C19orf44: variants seen among roughly 807,000 people sequenced by gnomAD.
C19orf44 encodes chromosome 19 open reading frame 44.
Under a neutral mutation model 50.7 loss-of-function variants are expected in C19orf44, and 43 were observed. That is an observed-to-expected ratio of 0.85 (90% CI 0.66 to 1.09). The LOEUF is 1.09. C19orf44 is among the 50% of genes least tolerant of loss of function. The probability of loss-of-function intolerance (pLI) is 0.00; values close to 1 mark genes in which losing one functional copy is unlikely to be tolerated. For missense variants in C19orf44, 722 were observed against 836.2 expected (o/e 0.86, Z 1.68); for synonymous variants, 298 against 334.7 (o/e 0.89, Z 1.20).
chr19:16,501,574 A>C (rs754819433), intron 2 of C19orf44, 23 bp downstream of exon 2: 3 of 1,283,352 alleles, frequency 2.3e-6, no homozygotes, highest in Non-Finnish European at 3.0e-6. Context: ...TTTTTTGGTA[A>C]ATTTATTTTA....
intron 7 of C19orf44, among the ~76,000 whole-genome samples, chr19:16,516,878 A>G (rs1200816891): frequency 1.3e-5 from 2 of 152,226 alleles, no homozygotes; most frequent in Non-Finnish European, 2.9e-5. Flanking sequence ...GGCGTCCATC[A>G]GCCCATCCGA....
At chr19:16,512,982 C>G in intron 5 of C19orf44, 32 bp from the exon 6 acceptor site, 1 of 1,593,020 alleles carries the variant, frequency 6.3e-7, no homozygotes. Context: ...CTGCGTCCTG[C>G]CTGCTTACCC....
At chr19:16,506,894 T>C in intron 4 of C19orf44, 120 bp downstream of exon 4, 1 of 671,784 alleles carries the variant, frequency 1.5e-6, no homozygotes, top group Non-Finnish European at 2.5e-6. Flanking sequence ...CAGGCCGTCC[T>C]CAAACTGGGC....
chr19:16,521,230 G>A lies in C19orf44; in HGVS notation c.*1177G>A. The A allele has an allele frequency of 3.5e-6, 2 of 572,614 alleles. No homozygotes were observed. The highest frequency in any genetic ancestry group is 2.2e-5 in the South Asian group (1 of 46,478). The allele number at this position is 572,614 out of a possible 1,614,324, so 35.5% of individuals were successfully genotyped here. On this transcript the variant is annotated 3_prime_UTR_variant, in exon 9 of 9. Transcript: ENST00000221671. ...GCCTGCAGCCCAGCACAGGAAGGAG[G>A]GGTGACCACTGGGAAGGGTGGGCTG...
chr19:16,513,398 C>T (rs371555857), intron 6 of C19orf44, among the ~76,000 whole-genome samples: 1 of 152,046 alleles, frequency 6.6e-6, no homozygotes, highest in Non-Finnish European at 1.5e-5. Context: ...TTTGTTTGTT[C>T]GTTTTGAGAC....
intron 5 of C19orf44, 22 bp from the exon 6 acceptor site, chr19:16,512,992 C>T (rs974900673): frequency 6.2e-7 from 1 of 1,607,022 alleles, no homozygotes; most frequent in Non-Finnish European, 8.5e-7. Context: ...CCTGCTTACC[C>T]CTCTCTTTGT....
intron 4 of C19orf44, among the ~76,000 whole-genome samples, chr19:16,508,536 C>T (rs1352876594): frequency 6.6e-6 from 1 of 152,102 alleles, no homozygotes; most frequent in Non-Finnish European, 1.5e-5. Context: ...TACAAGCGTG[C>T]ACCCATGCCT....
In C19orf44 at chr19:16,512,245, A is replaced by C. The variant is rs546124937; in HGVS notation, c.1640-769A>C. On this transcript the variant is annotated intron_variant, in intron 5 of 8. Transcript: ENST00000221671. Reference sequence around the variant, plus strand: ...CTCAGAATTGTTTGTGTCTCTCTGCACTTCTGTCCATATTTTTGGCAATTT... The same window carrying C: ...CTCAGAATTGTTTGTGTCTCTCTGCCCTTCTGTCCATATTTTTGGCAATTT... Among the ~76,000 whole-genome samples the C allele has an allele frequency of 1.3e-4, 20 of 152,138 alleles. No individual in the cohort carries two copies. In the East Asian group the frequency reaches 2.7e-3, roughly 21 times the overall value.
rs144172114 is a variant in C19orf44 at position 16,513,606 on chromosome 19, A to G, written c.1735+497A>G. Among the ~76,000 whole-genome samples, 669 of 151,782 alleles carry G rather than the reference A, an allele frequency of 4.4e-3. 6 individuals carry two copies. The highest frequency in any genetic ancestry group is 0.015 in the African/African-American group (626 of 41,398). Reference sequence around the variant, plus strand: ...TCCATGTTGGCCAGGCTGGTCTCGAACTCCTGACCTCAAATGATCTGCCCA... The same window carrying G: ...TCCATGTTGGCCAGGCTGGTCTCGAGCTCCTGACCTCAAATGATCTGCCCA... On this transcript the variant is annotated intron_variant, in intron 6 of 8. Coordinates refer to ENST00000221671, the MANE Select transcript of C19orf44 (RefSeq NM_032207.4).
At chr19:16,509,358 G>A (rs912879024) in intron 4 of C19orf44, 141 bp from the exon 5 acceptor site, 22 of 1,134,472 alleles carry the variant, frequency 1.9e-5, no homozygotes, top group African/African-American at 1.9e-4. Context: ...AGAATACTCC[G>A]TGCCCACATC....
chr19:16,518,937 A>G, intron 8 of C19orf44: 4 of 569,870 alleles, frequency 7.0e-6, no homozygotes, highest in East Asian at 3.0e-5. Flanking sequence ...TGGTGGCTGC[A>G]GCGCCTCCTG....
chr19:16,509,897 G>T lies in C19orf44; in HGVS notation c.1548G>T (p.Arg516Ser). ...KTDLPQTAES[R>S]KKSGRHVTRV... The stretch of plus-strand genomic sequence containing the variant: ...ACCTTCCACAAACAGCCGAGTCTAG[G>T]AAAAAGTCGGGCAGGCACGTGACAA... Residue 516 changes from arginine (R) to serine (S), a missense_variant, in exon 5 of 9, where the codon AGG becomes AGT. Physicochemically the swap from Arg to Ser is moderately radical, Grantham distance 110. Transcript: ENST00000221671. 1 of 1,614,250 alleles carries T rather than the reference G, an allele frequency of 6.2e-7. No homozygotes were observed. The highest frequency in any genetic ancestry group is 1.1e-5 in the South Asian group (1 of 91,090).
intron 6 of C19orf44, among the ~76,000 whole-genome samples, chr19:16,513,540 C>T (rs1375762578): frequency 6.6e-6 from 1 of 152,078 alleles, no homozygotes; most frequent in Non-Finnish European, 1.5e-5. Context: ...CCTGCCACCA[C>T]GCCCGGCTAA....
Position 16,509,910 on chromosome 19 carries a change from A to G in C19orf44, c.1561A>G (p.Arg521Gly). 1 of 1,614,286 alleles carries G rather than the reference A, an allele frequency of 6.2e-7. No homozygotes were observed. Among genetic ancestry groups the G allele is most frequent in the Non-Finnish European group, 8.5e-7 (1 of 1,180,048 alleles). Residue 521 changes from arginine to glycine, a missense_variant, in exon 5 of 9, where the codon AGG becomes GGG. Transcript: ENST00000221671. ...AGCCGAGTCTAGGAAAAAGTCGGGC[A>G]GGCACGTGACAAGAGTGCTTGTGAA... The part of the protein sequence containing the change: ...QTAESRKKSG[R>G]HVTRVLVKDT...
At chr19:16,512,112 C>G (rs1259844863) in intron 5 of C19orf44, among the ~76,000 whole-genome samples, 1 of 151,930 alleles carries the variant, frequency 6.6e-6, no homozygotes, top group African/African-American at 2.4e-5. Flanking sequence ...GACGGGCCCC[C>G]CAGGAGAGGG....
At chr19:16,518,879 G>A (rs935065947) in intron 8 of C19orf44, 1 of 463,474 alleles carries the variant, frequency 2.2e-6, no homozygotes, top group Non-Finnish European at 3.8e-6. Context: ...TCGGGCGGAG[G>A]GTCTTGTGTT....
Position 16,519,033 on chromosome 19 carries a change from T to C in C19orf44, c.*41-1061T>C. The C allele has an allele frequency of 2.3e-6, 2 of 886,278 alleles. No individual in the cohort carries two copies. The highest frequency in any genetic ancestry group is 1.7e-6 in the Non-Finnish European group (1 of 586,950). 54.9% of individuals were successfully genotyped at this position (886,278 alleles called of 1,614,324 possible). ...CATGCGCTGGTCTTCCTTCTCTTCCTGTGGCTCTCCACAAGTGGAGACGGT... is the reference window on the plus strand; with the variant it reads ...CATGCGCTGGTCTTCCTTCTCTTCCCGTGGCTCTCCACAAGTGGAGACGGT... On this transcript the variant is annotated intron_variant, in intron 8 of 8. Coordinates refer to ENST00000221671, the MANE Select transcript of C19orf44 (RefSeq NM_032207.4). The surrounding 1 kb of genome is among the most constrained non-coding windows in gnomAD (Gnocchi z 6.0).
At chr19:16,509,270 C>G (rs1334719833) in intron 4 of C19orf44, among the ~76,000 whole-genome samples, 15 of 152,128 alleles carry the variant, frequency 9.9e-5, no homozygotes, top group Admixed American at 9.8e-4. Context: ...ATCCACGTGC[C>G]ACCTAAGCAT....
chr19:16,505,069 C>T (rs1253809457), intron 3 of C19orf44, among the ~76,000 whole-genome samples: 5 of 151,832 alleles, frequency 3.3e-5, no homozygotes, highest in Non-Finnish European at 7.4e-5. Flanking sequence ...CGCCTGCCTC[C>T]GCCTCCCAAA....
Sources: allele counts gnomAD v4.1 joint callset (sites outside exome capture counted in the v4.1 genomes callset), GRCh38; gene constraint gnomAD v4.1.1; non-coding constraint Gnocchi (gnomAD v3.1); transcripts MANE v1.5; gene names NCBI Gene and HGNC (gene_info 2026-07-23, HGNC 2026-07-21).